The following CHRM2 variants were observed in gnomAD, a reference collection of about 807,000 sequenced individuals.
CHRM2 encodes cholinergic receptor muscarinic 2, also known as muscarinic acetylcholine receptor M2.
CHRM2 carries 8 observed loss-of-function variants against 25.0 expected under a neutral mutation model. That is an observed-to-expected ratio of 0.32 (90% CI 0.19 to 0.58). The LOEUF (loss-of-function observed/expected upper bound fraction) is 0.58, where lower values mean the gene tolerates loss of function less well. Among genes scored for constraint, CHRM2 ranks in the 20% least tolerant of loss-of-function variants. CHRM2 has a pLI of 0.88. For missense variants in CHRM2, 440 were observed against 567.1 expected, an observed-to-expected ratio of 0.78 and a Z score of 2.28; for synonymous variants, 202 against 205.7, an observed-to-expected ratio of 0.98 and a Z score of 0.15.
At chr7:136,982,394 T>C (rs938001959) in intron 2 of CHRM2, among the ~76,000 whole-genome samples, 1 of 152,210 alleles carries the variant, frequency 6.6e-6, no homozygotes, top group Non-Finnish European at 1.5e-5. Flanking sequence ...TGACTCTTTA[T>C]CCAATTTGCC....
intron 2 of CHRM2, among the ~76,000 whole-genome samples, chr7:136,961,100 G>A (rs985446905): frequency 6.6e-6 from 1 of 151,890 alleles, no homozygotes; most frequent in East Asian, 1.9e-4. Flanking sequence ...ACTCCGGCCT[G>A]GACGACAGAG....
intron 3 of CHRM2, among the ~76,000 whole-genome samples, chr7:137,007,307 T>C (rs1804508351): frequency 6.6e-6 from 1 of 152,134 alleles, no homozygotes; most frequent in Admixed American, 6.6e-5. Flanking sequence ...GACAAGAATG[T>C]GTTCTGTTTT....
At chr7:136,885,734 G>T (rs928521479) in intron 2 of CHRM2, among the ~76,000 whole-genome samples, 5 of 152,118 alleles carry the variant, frequency 3.3e-5, no homozygotes, top group African/African-American at 1.2e-4. Context: ...CAATACACAG[G>T]TGATAAATCA....
chr7:137,007,244 A>G (rs1946448760), intron 3 of CHRM2, among the ~76,000 whole-genome samples: 1 of 152,046 alleles, frequency 6.6e-6, no homozygotes, highest in African/African-American at 2.4e-5. Context: ...GTTTTAGAAA[A>G]TTGGAAATTT....
chr7:136,872,983 T>C (rs13223210), intron 2 of CHRM2, among the ~76,000 whole-genome samples: 2 of 152,152 alleles, frequency 1.3e-5, no homozygotes, highest in African/African-American at 4.8e-5. Context: ...CTTTACTCAA[T>C]AGGACAGAGA....
intron 3 of CHRM2, among the ~76,000 whole-genome samples, chr7:136,993,276 A>G (rs968980357): frequency 3.3e-5 from 5 of 152,302 alleles, no homozygotes; most frequent in East Asian, 1.9e-4. Context: ...CAAGTGAGAT[A>G]TTTGTATGAT....
At chr7:136,898,925 A>C (rs1797052544) in intron 2 of CHRM2, 1 of 152,104 alleles carries the variant, frequency 6.6e-6, no homozygotes, top group African/African-American at 2.4e-5. Context: ...AGAATAGACT[A>C]TACTAAAGAC....
chr7:136,919,056 A>T (rs904530636), intron 2 of CHRM2, among the ~76,000 whole-genome samples: 1 of 152,130 alleles, frequency 6.6e-6, no homozygotes, highest in Non-Finnish European at 1.5e-5. Flanking sequence ...GCAGAAAAGA[A>T]TCGGCCATTT....
chr7:136,886,560 T>C (rs771567821), intron 2 of CHRM2, among the ~76,000 whole-genome samples: 2 of 152,170 alleles, frequency 1.3e-5, no homozygotes, highest in African/African-American at 4.8e-5. Flanking sequence ...TGATTTTATG[T>C]AGCGGTTCTA....
At chr7:136,987,776 C>T (rs1197243877) in intron 2 of CHRM2, among the ~76,000 whole-genome samples, 1 of 152,154 alleles carries the variant, frequency 6.6e-6, no homozygotes, top group East Asian at 1.9e-4. Flanking sequence ...ATTACCCTCT[C>T]TGGGGCCACT....
At chr7:136,951,715 T>C (rs574163466) in intron 2 of CHRM2, among the ~76,000 whole-genome samples, 3 of 152,306 alleles carry the variant, frequency 2.0e-5, no homozygotes, top group Non-Finnish European at 4.4e-5. Context: ...CATTCTTTCA[T>C]TGGCTCCTTC....
At chr7:136,941,561 C>T (rs1799773597) in intron 2 of CHRM2, among the ~76,000 whole-genome samples, 1 of 152,082 alleles carries the variant, frequency 6.6e-6, no homozygotes, top group African/African-American at 2.4e-5. Context: ...TTCACGCAGC[C>T]GAGAGAGAGG....
intron 2 of CHRM2, chr7:136,938,483 T>C (rs893918613): frequency 1.8e-6 from 2 of 1,095,974 alleles, no homozygotes; most frequent in Admixed American, 1.7e-5. Context: ...GCCTGGATGT[T>C]GGGGTTCACC....
At chr7:136,931,525 G>T (rs899956034) in intron 2 of CHRM2, among the ~76,000 whole-genome samples, 3 of 152,186 alleles carry the variant, frequency 2.0e-5, no homozygotes, top group Non-Finnish European at 4.4e-5. Flanking sequence ...CTTACAATTG[G>T]TGACAGTTGA....
chr7:136,983,524 G>A (rs1367276861), intron 2 of CHRM2, among the ~76,000 whole-genome samples: 1 of 152,116 alleles, frequency 6.6e-6, no homozygotes, highest in African/African-American at 2.4e-5. Context: ...GCTGGTTTTT[G>A]GAATGTTCAG....
chr7:136,954,563 C>T (rs1408406823), intron 2 of CHRM2, among the ~76,000 whole-genome samples: 1 of 152,188 alleles, frequency 6.6e-6, no homozygotes, highest in Admixed American at 6.5e-5. Context: ...GGATTCTCTA[C>T]CTGAACTCCC....
chr7:136,970,604 G>T (rs1801697094), intron 2 of CHRM2, among the ~76,000 whole-genome samples: 1 of 152,116 alleles, frequency 6.6e-6, no homozygotes, highest in Admixed American at 6.5e-5. Context: ...GTCTATAAAA[G>T]ATAATTGCTT....
At chr7:136,898,756 T>C (rs1177895645) in intron 2 of CHRM2, 1 of 152,078 alleles carries the variant, frequency 6.6e-6, no homozygotes, top group Non-Finnish European at 1.5e-5. Flanking sequence ...AATGATGCTA[T>C]AATGGCCACA....
intron 2 of CHRM2, among the ~76,000 whole-genome samples, chr7:136,917,359 G>A (rs879376765): frequency 2.0e-5 from 3 of 151,790 alleles, no homozygotes; most frequent in Non-Finnish European, 4.4e-5. Context: ...GTGATGTGTG[G>A]ATAATAAGCT....
Sources: allele counts gnomAD v4.1 joint callset (sites outside exome capture counted in the v4.1 genomes callset), GRCh38; gene constraint gnomAD v4.1.1; transcripts MANE v1.5; gene names NCBI Gene and HGNC (gene_info 2026-07-23, HGNC 2026-07-21).